The following ZBED6 variants were observed in gnomAD, a reference collection of about 807,000 sequenced individuals.
The protein encoded by ZBED6 is zinc finger BED domain-containing protein 6.
In ZBED6, 40 loss-of-function variants were observed where a neutral mutation model predicts 58.4. That is an observed-to-expected ratio of 0.68 (90% CI 0.53 to 0.89). The LOEUF is 0.89. ZBED6 is among the 40% of genes least tolerant of loss of function. The pLI, the probability that ZBED6 is intolerant of heterozygous loss-of-function variation, is 0.00. For missense variants in ZBED6, 1,057 were observed against 1,003.9 expected (o/e 1.05, Z -0.71); for synonymous variants, 439 against 350.6 (o/e 1.25, Z -2.82).
At chr1:203,829,892 G>A in exon 6 of ZBED6, 1 of 1,613,730 alleles carries the variant, frequency 6.2e-7, no homozygotes, top group Non-Finnish European at 8.5e-7. Flanking sequence ...TCAATATAAA[G>A]CAAGGTAAGA....
chr1:203,815,638 A>G (rs969318103), intron 1 of ZBED6, among the ~76,000 whole-genome samples: 1 of 152,144 alleles, frequency 6.6e-6, no homozygotes, highest in African/African-American at 2.4e-5. Context: ...AACTTTAAAC[A>G]TTTGGGTACA....
chr1:203,796,019 A>G (rs1450520387), exon 1 of ZBED6: 1 of 50,616 alleles, frequency 2.0e-5, no homozygotes, highest in Non-Finnish European at 3.9e-5. Flanking sequence ...CACTTTTCCC[A>G]TCCTCCCCAC....
At chr1:203,805,976 A>G (rs1038517250) in intron 1 of ZBED6, 32 of 594,368 alleles carry the variant, frequency 5.4e-5, no homozygotes, top group Admixed American at 1.9e-4. Flanking sequence ...GTATCCTTCA[A>G]TGACTGGATG....
intron 11 of ZBED6, among the ~76,000 whole-genome samples, chr1:203,843,518 A>AT (rs944644177): frequency 6.6e-6 from 1 of 152,066 alleles, no homozygotes; most frequent in Admixed American, 6.6e-5. Context: ...GGAATTGACA[A>AT]TTTTTTTCCT....
intron 8 of ZBED6, 65 bp downstream of exon 8, chr1:203,831,836 C>T (rs1012714152): frequency 4.6e-6 from 6 of 1,298,948 alleles, no homozygotes; most frequent in Non-Finnish European, 4.3e-6. Flanking sequence ...AATGCAAAAT[C>T]CTTGGGTATC....
chr1:203,801,779 C>G (rs1014647546), exon 1 of ZBED6: 6 of 150,744 alleles, frequency 4.0e-5, no homozygotes. Context: ...GTTTAGAACT[C>G]ATTTCTATGT....
At chr1:203,849,016 C>T (rs958392852) in intron 13 of ZBED6, among the ~76,000 whole-genome samples, 9 of 152,260 alleles carry the variant, frequency 5.9e-5, no homozygotes, top group African/African-American at 2.2e-4. Context: ...TCCCATGTAG[C>T]TGGGATCAAA....
chr1:203,827,373 T>C (rs1680867648), intron 3 of ZBED6, among the ~76,000 whole-genome samples: 1 of 151,424 alleles, frequency 6.6e-6, no homozygotes, highest in African/African-American at 2.4e-5. Flanking sequence ...TTTCTCCCAA[T>C]TTTCCTTTAT....
At chr1:203,849,247 T>G (rs1180557291) in intron 13 of ZBED6, among the ~76,000 whole-genome samples, 3 of 152,238 alleles carry the variant, frequency 2.0e-5, no homozygotes, top group Non-Finnish European at 2.9e-5. Context: ...AACCCATGTT[T>G]AGAACATAAT....
intron 3 of ZBED6, among the ~76,000 whole-genome samples, chr1:203,820,958 C>G (rs1019946363): frequency 3.3e-5 from 5 of 152,096 alleles, no homozygotes; most frequent in Non-Finnish European, 7.4e-5. Context: ...TACCCCGTTT[C>G]TCATCAGACT....
At chr1:203,827,588 A>G (rs1680953896) in intron 3 of ZBED6, among the ~76,000 whole-genome samples, 1 of 151,952 alleles carries the variant, frequency 6.6e-6, no homozygotes, top group Admixed American at 6.6e-5. Flanking sequence ...AGGCTGAGGC[A>G]GGAGAATGGC....
At chr1:203,826,873 GA>G (rs1276904348) in intron 3 of ZBED6, among the ~76,000 whole-genome samples, 22 of 152,244 alleles carry the variant, frequency 1.4e-4, no homozygotes, top group African/African-American at 5.1e-4. Flanking sequence ...ACAACTTGAA[GA>G]ATTTTCATAG....
intron 1 of ZBED6, among the ~76,000 whole-genome samples, chr1:203,805,233 A>G (rs1005619824): frequency 6.6e-6 from 1 of 150,482 alleles, no homozygotes; most frequent in African/African-American, 2.5e-5. Context: ...TCCTGGGTTC[A>G]AGCAATTCTC....
chr1:203,829,339 T>G, intron 4 of ZBED6, 112 bp from the exon 5 acceptor site: 1 of 1,081,528 alleles, frequency 9.2e-7, no homozygotes, highest in Non-Finnish European at 1.4e-6. Context: ...GGAAATTTAG[T>G]ATAAATGCTC....
intron 9 of ZBED6, 57 bp downstream of exon 9, chr1:203,833,910 T>G (rs987877378): frequency 1.3e-6 from 2 of 1,558,122 alleles, no homozygotes; most frequent in Non-Finnish European, 1.7e-6. Context: ...ATTAACATGA[T>G]AGCTTCTCCA....
At chr1:203,832,201 G>A (rs1481965872) in intron 8 of ZBED6, among the ~76,000 whole-genome samples, 3 of 152,224 alleles carry the variant, frequency 2.0e-5, no homozygotes, top group East Asian at 1.9e-4. Flanking sequence ...TGGGATTATA[G>A]GCATGTGCCA....
At chr1:203,846,427 T>C (rs1687927829) in intron 11 of ZBED6, among the ~76,000 whole-genome samples, 1 of 152,170 alleles carries the variant, frequency 6.6e-6, no homozygotes, top group African/African-American at 2.4e-5. Context: ...TGTCACCTGT[T>C]TTACCTTCTT....
chr1:203,829,173 G>A, intron 4 of ZBED6: 1 of 454,554 alleles, frequency 2.2e-6, no homozygotes, highest in Non-Finnish European at 3.9e-6. Flanking sequence ...AAAATTAAAG[G>A]TCTAGAATTT....
intron 3 of ZBED6, among the ~76,000 whole-genome samples, chr1:203,823,232 T>G (rs1428201520): frequency 6.6e-6 from 1 of 152,202 alleles, no homozygotes; most frequent in African/African-American, 2.4e-5. Flanking sequence ...GTAAAGACAC[T>G]GTCAGATCAT....
Sources: allele counts gnomAD v4.1 joint callset (sites outside exome capture counted in the v4.1 genomes callset), GRCh38; gene constraint gnomAD v4.1.1; transcripts MANE v1.5; gene names NCBI Gene and HGNC (gene_info 2026-07-23, HGNC 2026-07-21).